Variants in NPAS3 observed in about 807,000 individuals in gnomAD.
NPAS3 encodes the protein neuronal PAS domain-containing protein 3.
Under a neutral mutation model 73.1 loss-of-function variants are expected in NPAS3, and 14 were observed. The observed-to-expected ratio is 0.19, with a 90% confidence interval of 0.13 to 0.30. The LOEUF (loss-of-function observed/expected upper bound fraction) is 0.30. NPAS3 is among the 10% of genes least tolerant of loss of function. NPAS3 has a pLI of 1.00. For synonymous variants in NPAS3, 620 were observed against 541.5 expected (o/e 1.14, Z -2.01); for missense variants, 1,096 against 1,250.0 (o/e 0.88, Z 1.86).
chr14:33,078,874 G>T (rs1395905386), intron 2 of NPAS3, among the ~76,000 whole-genome samples: 1 of 152,134 alleles, frequency 6.6e-6, no homozygotes, highest in African/African-American at 2.4e-5. Context: ...TTTAGAAAAT[G>T]AAATTATTTT....
At chr14:32,981,170 G>C (rs532414543) in intron 1 of NPAS3, among the ~76,000 whole-genome samples, 1 of 152,142 alleles carries the variant, frequency 6.6e-6, no homozygotes. Flanking sequence ...TCATCAGAAA[G>C]TCATTATCCC....
At chr14:33,047,133 G>A (rs569472367) in intron 1 of NPAS3, among the ~76,000 whole-genome samples, 7 of 152,292 alleles carry the variant, frequency 4.6e-5, no homozygotes, top group Non-Finnish European at 8.8e-5. Context: ...CCGAAAGGTT[G>A]AAATTAGCCT....
At chr14:33,362,583 C>T (rs545437050) in intron 3 of NPAS3, among the ~76,000 whole-genome samples, 1 of 152,238 alleles carries the variant, frequency 6.6e-6, no homozygotes, top group South Asian at 2.1e-4. Flanking sequence ...CCAGGGATTC[C>T]ATTAAGCATG....
intron 2 of NPAS3, among the ~76,000 whole-genome samples, chr14:33,141,170 G>A (rs915262482): frequency 3.3e-5 from 5 of 152,208 alleles, no homozygotes; most frequent in Middle Eastern, 3.2e-3. Flanking sequence ...AATGAATTGC[G>A]AGAGCAATGT....
intron 4 of NPAS3, among the ~76,000 whole-genome samples, chr14:33,497,686 C>T (rs2052276876): frequency 6.6e-6 from 1 of 152,050 alleles, no homozygotes; most frequent in Non-Finnish European, 1.5e-5. Context: ...ACACTTTATA[C>T]AAAAATTAAC....
intron 3 of NPAS3, among the ~76,000 whole-genome samples, chr14:33,272,495 CA>C (rs1414297881): frequency 6.6e-6 from 1 of 152,182 alleles, no homozygotes; most frequent in Non-Finnish European, 1.5e-5. Context: ...CGGCTCACTG[CA>C]ACCTCTGCCT....
chr14:33,175,020 T>C (rs1316265770), intron 2 of NPAS3, among the ~76,000 whole-genome samples: 3 of 152,248 alleles, frequency 2.0e-5, no homozygotes, highest in Non-Finnish European at 2.9e-5. Flanking sequence ...AAAAGCATGG[T>C]ATCTTTGCAG....
rs376232416 is a variant in NPAS3 at position 33,636,046 on chromosome 14, G to A, written c.559-40165G>A. On this transcript the variant is annotated intron_variant, in intron 5 of 11. Coordinates refer to ENST00000356141, the Ensembl canonical transcript of NPAS3. Reference sequence around the variant, plus strand: ...CAGCGATTCTCCTGCTTAGCCTCCCGAGTAGCTGGGATTACAGGCATGCAC... The same window carrying A: ...CAGCGATTCTCCTGCTTAGCCTCCCAAGTAGCTGGGATTACAGGCATGCAC... Among the ~76,000 whole-genome samples the A allele has an allele frequency of 5.3e-5, 8 of 152,100 alleles. No individual in the cohort carries two copies. In the South Asian group the frequency reaches 6.2e-4, roughly 12 times the overall value.
chr14:33,505,865 C>T (rs1293919469), intron 4 of NPAS3, among the ~76,000 whole-genome samples: 1 of 151,994 alleles, frequency 6.6e-6, no homozygotes, highest in Non-Finnish European at 1.5e-5. Flanking sequence ...TCCCACCACC[C>T]TCTCCCTTGT....
intron 5 of NPAS3, among the ~76,000 whole-genome samples, chr14:33,642,887 A>G (rs939320184): frequency 3.9e-5 from 6 of 152,178 alleles, no homozygotes; most frequent in East Asian, 1.9e-4. Context: ...TTGTTTGCCA[A>G]TATTGTGGCT....
chr14:33,410,791 A>T (rs932976353), intron 4 of NPAS3, among the ~76,000 whole-genome samples: 3 of 152,128 alleles, frequency 2.0e-5, no homozygotes, highest in Non-Finnish European at 4.4e-5. Flanking sequence ...GACTACAGGC[A>T]TGCGCCACCA....
At chr14:33,086,363 A>C (rs1490980126) in intron 2 of NPAS3, among the ~76,000 whole-genome samples, 1 of 152,134 alleles carries the variant, frequency 6.6e-6, no homozygotes, top group Admixed American at 6.6e-5. Context: ...TTCTTCTAAT[A>C]ATTAAAAACT....
downstream of NPAS3, chr14:33,801,442 G>A (rs2138702262): frequency 3.0e-6 from 1 of 334,058 alleles, no homozygotes; most frequent in African/African-American, 2.2e-5. Context: ...CAGTCTTGTG[G>A]TCAAGAGAGT....
intron 5 of NPAS3, among the ~76,000 whole-genome samples, chr14:33,638,656 ACATCATTGCTGGGCTC>A (rs2058593324): frequency 6.6e-6 from 1 of 152,230 alleles, no homozygotes; most frequent in South Asian, 2.1e-4. Flanking sequence ...GGTAGGGGCA[ACATCATTGCTGGGCTC>A]CTTGGGGAAA....
At chr14:33,363,920 C>CTGTGTGTGTGTG (rs1358331553) in intron 3 of NPAS3, among the ~76,000 whole-genome samples, 5 of 25,628 alleles carry the variant, frequency 2.0e-4, no homozygotes, top group African/African-American at 4.8e-4. Context: ...TAGCAATGCC[C>CTGTGTGTGTGTG]TCTGTGTGTG....
At chr14:33,147,730 A>AAAATATAT (rs372663411) in intron 2 of NPAS3, among the ~76,000 whole-genome samples, 76 of 130,360 alleles carry the variant, frequency 5.8e-4, no homozygotes, top group South Asian at 3.6e-3. Flanking sequence ...TAGAATAAAA[A>AAAATATAT]ATATATATAT....
chr14:33,704,987 T>C (rs1421254738), intron 6 of NPAS3, among the ~76,000 whole-genome samples: 1 of 152,212 alleles, frequency 6.6e-6, no homozygotes, highest in African/African-American at 2.4e-5. Context: ...CCATCACTTG[T>C]CTGCCTTAGC....
intron 3 of NPAS3, among the ~76,000 whole-genome samples, chr14:33,264,751 A>C (rs2139978946): frequency 6.6e-6 from 1 of 152,156 alleles, no homozygotes; most frequent in South Asian, 2.1e-4. Flanking sequence ...ACAGATATTC[A>C]TTTCCTTCCT....
chr14:33,199,022 T>C (rs554189021), intron 2 of NPAS3, among the ~76,000 whole-genome samples: 12 of 152,290 alleles, frequency 7.9e-5, no homozygotes, highest in African/African-American at 2.9e-4. Context: ...GCCGGCCTGC[T>C]GGCCGCTCCA....
Sources: gnomAD v4.1 joint callset for allele counts (sites outside exome capture counted in the v4.1 genomes callset) on GRCh38, gnomAD v4.1.1 for gene constraint, MANE v1.5 for transcripts, NCBI Gene and HGNC (gene_info 2026-07-23, HGNC 2026-07-21) for gene names.